The following LRMDA variants were observed in gnomAD, a reference collection of about 807,000 sequenced individuals.
LRMDA encodes leucine rich melanocyte differentiation associated.
Under a neutral mutation model 29.8 loss-of-function variants are expected in LRMDA, and 18 were observed. The observed-to-expected ratio is 0.60, with a 90% CI of 0.42 to 0.90. The LOEUF (loss-of-function observed/expected upper bound fraction) is 0.90, where lower values mean the gene tolerates loss of function less well. Among genes scored for constraint, LRMDA ranks in the 40% least tolerant of loss-of-function variants. The pLI is 0.00. For missense variants in LRMDA, 273 were observed against 273.9 expected, an observed-to-expected ratio of 1.00 and a Z score of 0.02; for synonymous variants, 125 against 109.4, an observed-to-expected ratio of 1.14 and a Z score of -0.89.
At chr10:76,116,749 C>T (rs1849673505) in intron 5 of LRMDA, among the ~76,000 whole-genome samples, 1 of 152,130 alleles carries the variant, frequency 6.6e-6, no homozygotes, top group South Asian at 2.1e-4. Flanking sequence ...GACAGGAGTC[C>T]TGAGGGTAGC....
At chr10:75,734,302 C>T (rs564365984) in intron 2 of LRMDA, among the ~76,000 whole-genome samples, 2 of 152,228 alleles carry the variant, frequency 1.3e-5, no homozygotes, top group African/African-American at 4.8e-5. Flanking sequence ...CACACATGGG[C>T]GTAGAGAAAA....
At chr10:75,905,558 T>A (rs1202213095) in intron 2 of LRMDA, among the ~76,000 whole-genome samples, 1 of 150,778 alleles carries the variant, frequency 6.6e-6, no homozygotes, top group African/African-American at 2.4e-5. Flanking sequence ...AAAAAGAGTC[T>A]GTCAAAATGT....
chr10:75,763,076 G>A (rs1365786221), intron 2 of LRMDA, among the ~76,000 whole-genome samples: 2 of 152,184 alleles, frequency 1.3e-5, no homozygotes, highest in Admixed American at 1.3e-4. Context: ...AATTTAGCCA[G>A]AATGCTCAGA....
chr10:76,072,755 A>T (rs1183716114), intron 5 of LRMDA, among the ~76,000 whole-genome samples: 4 of 152,236 alleles, frequency 2.6e-5, no homozygotes, highest in Admixed American at 2.6e-4. Context: ...GAGGTGTGCA[A>T]CACTGTTCCT....
chr10:76,255,083 C>T (rs1852568235), intron 5 of LRMDA, among the ~76,000 whole-genome samples: 1 of 152,182 alleles, frequency 6.6e-6, no homozygotes, highest in Non-Finnish European at 1.5e-5. Context: ...TTTATTCGTT[C>T]ACCTCTTTGG....
At chr10:75,538,368 G>T (rs142763011) in intron 2 of LRMDA, among the ~76,000 whole-genome samples, 1 of 152,108 alleles carries the variant, frequency 6.6e-6, no homozygotes, top group Non-Finnish European at 1.5e-5. Flanking sequence ...ATCCTCTACC[G>T]CATTTCACAT....
At chr10:75,721,518 T>A (rs1204044491) in intron 2 of LRMDA, among the ~76,000 whole-genome samples, 2 of 152,192 alleles carry the variant, frequency 1.3e-5, no homozygotes, top group Non-Finnish European at 2.9e-5. Context: ...GTCAAGTCCC[T>A]TGACTTTTAC....
At chr10:76,049,786 T>C (rs1036704705) in intron 4 of LRMDA, among the ~76,000 whole-genome samples, 23 of 152,162 alleles carry the variant, frequency 1.5e-4, no homozygotes, top group African/African-American at 5.6e-4. Context: ...TTCCTGGCCC[T>C]TCATCCACAA....
At chr10:76,103,915 G>C (rs767491987) in intron 5 of LRMDA, among the ~76,000 whole-genome samples, 1 of 151,968 alleles carries the variant, frequency 6.6e-6, no homozygotes, top group Non-Finnish European at 1.5e-5. Context: ...CAGGTGTGGT[G>C]GTGGGCGCCT....
At chr10:75,864,150 A>G (rs1009779708) in intron 2 of LRMDA, among the ~76,000 whole-genome samples, 1 of 152,254 alleles carries the variant, frequency 6.6e-6, no homozygotes, top group Non-Finnish European at 1.5e-5. Flanking sequence ...CTTTAAGGTT[A>G]TCTTGAGAAC....
At chr10:75,592,967 T>G (rs1840742511) in intron 2 of LRMDA, among the ~76,000 whole-genome samples, 1 of 152,104 alleles carries the variant, frequency 6.6e-6, no homozygotes, top group Non-Finnish European at 1.5e-5. Context: ...TGCATTTCAT[T>G]TCTGGTTTCC....
intron 2 of LRMDA, among the ~76,000 whole-genome samples, chr10:75,667,461 T>C (rs1045186259): frequency 6.6e-6 from 1 of 152,196 alleles, no homozygotes; most frequent in African/African-American, 2.4e-5. Flanking sequence ...ACAACACTGA[T>C]ACATTTTTAA....
Position 76,339,728 on chromosome 10 carries a change from A to T in LRMDA, c.601+15243A>T, listed in dbSNP as rs571344052. Among the ~76,000 whole-genome samples, 9 of 152,222 alleles carry T rather than the reference A, an allele frequency of 5.9e-5. No homozygotes were observed. The South Asian group carries it at 1.7e-3, about 28-fold the overall frequency. On this transcript the variant is annotated intron_variant, in intron 6 of 6. Transcript: ENST00000611255. ...AAACCCCACAAAGCTATTGAGCTTC[A>T]TATTGATAAATCTGAAAATCTAAGT... is the stretch of plus-strand genomic sequence containing the variant.
chr10:76,150,742 C>A (rs562843024), intron 5 of LRMDA, among the ~76,000 whole-genome samples: 6 of 152,258 alleles, frequency 3.9e-5, no homozygotes, highest in African/African-American at 1.4e-4. Context: ...CCTATTTATA[C>A]CGGTGGCAAG....
At chr10:76,066,118 G>A (rs892404561) in intron 5 of LRMDA, among the ~76,000 whole-genome samples, 2 of 152,136 alleles carry the variant, frequency 1.3e-5, no homozygotes, top group African/African-American at 4.8e-5. Context: ...TGCATCTCTG[G>A]CCATTGAACC....
intron 2 of LRMDA, among the ~76,000 whole-genome samples, chr10:75,564,968 G>T (rs1342361816): frequency 1.3e-5 from 2 of 152,196 alleles, no homozygotes; most frequent in African/African-American, 4.8e-5. Flanking sequence ...AAACTGGTTG[G>T]TCCATTTAGG....
intron 6 of LRMDA, among the ~76,000 whole-genome samples, chr10:76,437,858 C>G (rs1842260815): frequency 6.6e-6 from 1 of 152,190 alleles, no homozygotes; most frequent in Non-Finnish European, 1.5e-5. Flanking sequence ...TGAGCCAGTC[C>G]TTCGCCAAGT....
In LRMDA at chr10:76,493,173, G is replaced by A. The variant is rs1397315417; in HGVS notation, c.602-64036G>A. 3.3e-5 allele frequency among the ~76,000 whole-genome samples: 5 copies of A among 151,998 alleles called. No individual in the cohort carries two copies. The East Asian group carries it at 9.7e-4, about 30-fold the overall frequency. On this transcript the variant is annotated intron_variant, in intron 6 of 6. Transcript: ENST00000611255. ...AGTGAAAAACCTTAGAAATCTACCT[G>A]ATGCTTTATTTATTGCACCTAAGCT...
chr10:76,461,254 A>AG (rs2132308313), intron 6 of LRMDA, among the ~76,000 whole-genome samples: 1 of 152,296 alleles, frequency 6.6e-6, no homozygotes, highest in Non-Finnish European at 1.5e-5. Flanking sequence ...TGAAATGTCT[A>AG]GGTATGCCAT....
Sources: gnomAD v4.1 joint callset for allele counts (sites outside exome capture counted in the v4.1 genomes callset) on GRCh38, gnomAD v4.1.1 for gene constraint, MANE v1.5 for transcripts, NCBI Gene and HGNC (gene_info 2026-07-23, HGNC 2026-07-21) for gene names.